CTNNA3: variants seen among roughly 807,000 people sequenced by gnomAD.
CTNNA3 encodes the protein catenin alpha-3.
In CTNNA3, 76 loss-of-function variants were observed where a neutral mutation model predicts 95.7. The ratio of observed to expected loss-of-function variants is 0.79; its 90% CI spans 0.66 to 0.96. CTNNA3 has a LOEUF of 0.96. CTNNA3 is among the 40% of genes least tolerant of loss of function. CTNNA3 has a pLI of 0.00. For synonymous variants in CTNNA3, 431 were observed against 374.4 expected (o/e 1.15, Z -1.74); for missense variants, 1,191 against 1,089.8 (o/e 1.09, Z -1.31).
intron 9 of CTNNA3, among the ~76,000 whole-genome samples, chr10:66,700,430 T>A (rs1003596200): frequency 6.6e-6 from 1 of 152,108 alleles, no homozygotes; most frequent in African/African-American, 2.4e-5. Flanking sequence ...TTGCTGAAAA[T>A]TGGTTGACTT....
intron 5 of CTNNA3, among the ~76,000 whole-genome samples, chr10:67,351,075 G>A (rs1842617595): frequency 6.6e-6 from 1 of 151,422 alleles, no homozygotes; most frequent in Admixed American, 6.6e-5. Context: ...GCAACAAAGG[G>A]ATGAATCTCA....
At chr10:67,594,186 T>C (rs941712693) in intron 3 of CTNNA3, among the ~76,000 whole-genome samples, 1 of 152,216 alleles carries the variant, frequency 6.6e-6, no homozygotes, top group Non-Finnish European at 1.5e-5. Context: ...TTTGCATCTA[T>C]GTTCATGAGG....
chr10:66,196,335 C>T (rs1025705056), intron 13 of CTNNA3, among the ~76,000 whole-genome samples: 4 of 152,048 alleles, frequency 2.6e-5, no homozygotes, highest in African/African-American at 7.2e-5. Flanking sequence ...GCTGCAATCC[C>T]GAACCAGCAA....
intron 9 of CTNNA3, among the ~76,000 whole-genome samples, chr10:66,690,324 CT>C (rs1030097050): frequency 9.9e-5 from 15 of 151,722 alleles, no homozygotes; most frequent in African/African-American, 3.6e-4. Flanking sequence ...TAATTTTTTT[CT>C]TTTTTTATTA....
At position 67,635,973 on chromosome 10, in the gene CTNNA3, A is replaced by C. The variant is rs1331185754; in HGVS notation, c.99+11442T>G. ...TGATAAGCAACTTCAGCAAAGTCTC[A>C]GGATATAAAATCACCGTGCAAAAAT... On this transcript the variant is annotated intron_variant, in intron 2 of 17. Transcript: ENST00000433211. Among the ~76,000 whole-genome samples, 94 of 152,234 alleles carry C rather than the reference A, an allele frequency of 6.2e-4. 1 individual carries two copies. The highest frequency in any genetic ancestry group is 6.2e-3 in the Admixed American group (94 of 15,282).
intron 7 of CTNNA3, among the ~76,000 whole-genome samples, chr10:66,820,666 C>T (rs866131111): frequency 1.3e-5 from 2 of 150,552 alleles, no homozygotes; most frequent in African/African-American, 2.4e-5. Context: ...AAAAATTGTC[C>T]ATGTTAGTTG....
At chr10:66,167,218 T>C (rs1564721436) in intron 13 of CTNNA3, among the ~76,000 whole-genome samples, 1 of 152,274 alleles carries the variant, frequency 6.6e-6, no homozygotes, top group East Asian at 1.9e-4. Flanking sequence ...TGTTCTACTT[T>C]TAAAGCAGGT....
chr10:67,375,855 G>A (rs945410826), intron 5 of CTNNA3, among the ~76,000 whole-genome samples: 3 of 152,150 alleles, frequency 2.0e-5, no homozygotes, highest in Non-Finnish European at 4.4e-5. Context: ...ACAGCTTCAA[G>A]AACTCATAGG....
intron 9 of CTNNA3, among the ~76,000 whole-genome samples, chr10:66,674,779 C>T (rs536497887): frequency 6.6e-6 from 1 of 152,118 alleles, no homozygotes; most frequent in African/African-American, 2.4e-5. Flanking sequence ...ATACGGGCTC[C>T]CTCTGCTTAG....
intron 7 of CTNNA3, among the ~76,000 whole-genome samples, chr10:67,051,985 C>A (rs1395902969): frequency 6.7e-6 from 1 of 149,380 alleles, no homozygotes; most frequent in African/African-American, 2.5e-5. Context: ...AAACTCCTGA[C>A]CTCAGGTGAC....
intron 7 of CTNNA3, among the ~76,000 whole-genome samples, chr10:66,936,627 C>T (rs974460787): frequency 6.6e-6 from 1 of 152,090 alleles, no homozygotes; most frequent in African/African-American, 2.4e-5. Context: ...TTGGAGTCAT[C>T]GGACAGATGG....
intron 5 of CTNNA3, among the ~76,000 whole-genome samples, chr10:67,408,648 G>A (rs1187709639): frequency 6.6e-6 from 1 of 151,960 alleles, no homozygotes; most frequent in Non-Finnish European, 1.5e-5. Context: ...AGAAAACCTA[G>A]GCAGTACTAT....
chr10:67,285,404 T>C (rs1216792028), intron 5 of CTNNA3, among the ~76,000 whole-genome samples: 3 of 152,094 alleles, frequency 2.0e-5, no homozygotes, highest in African/African-American at 2.4e-5. Context: ...TTACAAAACA[T>C]CAATGGGCAT....
intron 8 of CTNNA3, among the ~76,000 whole-genome samples, chr10:66,769,954 A>G (rs1840021074): frequency 6.6e-6 from 1 of 152,182 alleles, no homozygotes; most frequent in African/African-American, 2.4e-5. Flanking sequence ...CACTGCTTTC[A>G]GGAAAACCCA....
chr10:65,935,934 T>G (rs2077330228), intron 17 of CTNNA3, among the ~76,000 whole-genome samples: 1 of 152,036 alleles, frequency 6.6e-6, no homozygotes, highest in Non-Finnish European at 1.5e-5. Flanking sequence ...GATAAAGAAG[T>G]GAGATGGTCT....
At chr10:67,553,610 A>C (rs749212140) in intron 3 of CTNNA3, among the ~76,000 whole-genome samples, 5 of 152,188 alleles carry the variant, frequency 3.3e-5, no homozygotes, top group Admixed American at 6.5e-5. Flanking sequence ...AAATAAGATT[A>C]TTCTCTGGGA....
chr10:66,217,902 G>T, intron 13 of CTNNA3, among the ~76,000 whole-genome samples: 1 of 147,298 alleles, frequency 6.8e-6, no homozygotes, highest in East Asian at 2.0e-4. Flanking sequence ...CAGACTGCGG[G>T]TACCAGATGA....
At chr10:67,304,034 C>T (rs1336230404) in intron 5 of CTNNA3, among the ~76,000 whole-genome samples, 2 of 152,140 alleles carry the variant, frequency 1.3e-5, no homozygotes, top group African/African-American at 2.4e-5. Context: ...GCTAGACAAA[C>T]TGCTCTAGCC....
intron 9 of CTNNA3, among the ~76,000 whole-genome samples, chr10:66,648,149 A>G (rs918732120): frequency 6.6e-6 from 1 of 152,102 alleles, no homozygotes; most frequent in Non-Finnish European, 1.5e-5. Flanking sequence ...TCTCAACCAG[A>G]GGTTTTAAAC....
Sources: allele counts gnomAD v4.1 joint callset (sites outside exome capture counted in the v4.1 genomes callset), GRCh38; gene constraint gnomAD v4.1.1; transcripts MANE v1.5; gene names NCBI Gene and HGNC (gene_info 2026-07-23, HGNC 2026-07-21).